Variants in GRIN3A observed in about 807,000 individuals in gnomAD.
GRIN3A encodes glutamate ionotropic receptor NMDA type subunit 3A.
Under a neutral mutation model 92.4 loss-of-function variants are expected in GRIN3A, and 47 were observed. The ratio of observed to expected loss-of-function variants is 0.51; its 90% CI spans 0.40 to 0.65. The LOEUF (loss-of-function observed/expected upper bound fraction) is 0.65. Ranked by LOEUF, GRIN3A falls within the 30% of genes least tolerant of loss-of-function variation. The pLI, the probability that GRIN3A is intolerant of heterozygous loss-of-function variation, is 0.00. For missense variants in GRIN3A, 1,324 were observed against 1,393.1 expected (o/e 0.95, Z 0.79); for synonymous variants, 527 against 540.6 (o/e 0.97, Z 0.35).
intron 3 of GRIN3A, among the ~76,000 whole-genome samples, chr9:101,634,380 T>G (rs962027132): frequency 6.7e-6 from 1 of 149,964 alleles, no homozygotes; most frequent in African/African-American, 2.4e-5. Context: ...AGGCATAGCT[T>G]CTGTAAATGA....
intron 6 of GRIN3A, among the ~76,000 whole-genome samples, chr9:101,599,856 C>T (rs1828188283): frequency 6.6e-6 from 1 of 152,138 alleles, no homozygotes; most frequent in Admixed American, 6.5e-5. Flanking sequence ...TGGTTGGAAG[C>T]TCTCACCTTT....
chr9:101,722,466 AC>A (rs1173010490), intron 1 of GRIN3A, among the ~76,000 whole-genome samples: 1 of 152,088 alleles, frequency 6.6e-6, no homozygotes, highest in Admixed American at 6.5e-5. Flanking sequence ...CGTCCTCCAG[AC>A]CCCAGAATGG....
At chr9:101,703,510 A>G (rs377489501) in intron 1 of GRIN3A, among the ~76,000 whole-genome samples, 14 of 152,348 alleles carry the variant, frequency 9.2e-5, no homozygotes, top group African/African-American at 1.9e-4. Context: ...AGCACAGTCA[A>G]TAGCTGAAAT....
At chr9:101,624,622 C>T (rs528041895) in intron 4 of GRIN3A, among the ~76,000 whole-genome samples, 1 of 152,172 alleles carries the variant, frequency 6.6e-6, no homozygotes, top group South Asian at 2.1e-4. Context: ...TCCAGTCTAT[C>T]GTTGTTGGAC....
At chr9:101,662,534 T>C (rs1414567528) in intron 3 of GRIN3A, among the ~76,000 whole-genome samples, 1 of 151,736 alleles carries the variant, frequency 6.6e-6, no homozygotes, top group Non-Finnish European at 1.5e-5. Flanking sequence ...TTATTACCAA[T>C]ATTAAGCATT....
At chr9:101,716,019 G>A (rs1395670575) in intron 1 of GRIN3A, among the ~76,000 whole-genome samples, 4 of 152,134 alleles carry the variant, frequency 2.6e-5, no homozygotes, top group African/African-American at 9.7e-5. Context: ...ATGTAGCCCA[G>A]ACTTTATCCA....
At chr9:101,639,452 T>G (rs1336865277) in intron 3 of GRIN3A, among the ~76,000 whole-genome samples, 2 of 152,178 alleles carry the variant, frequency 1.3e-5, no homozygotes, top group Non-Finnish European at 2.9e-5. Flanking sequence ...AAAAATGACC[T>G]GTGGACTGTG....
chr9:101,635,855 A>T (rs1828777447), intron 3 of GRIN3A, among the ~76,000 whole-genome samples: 1 of 152,194 alleles, frequency 6.6e-6, no homozygotes, highest in African/African-American at 2.4e-5. Context: ...GGTTATAAAA[A>T]TTGGCCAGTG....
In GRIN3A at chr9:101,686,890, C is replaced by A. The variant is rs564083866; in HGVS notation, c.1010G>T (p.Arg337Leu). Residue 337 changes from arginine (R) to leucine (L), a missense_variant, in exon 2 of 9, where the codon CGG becomes CTG. By Grantham distance (102) the Arg-to-Leu change is moderately radical (BLOSUM62 -2). Transcript: ENST00000361820. ...MFGCDMESIRRIFEITTQFGV... is the reference protein window; with the variant it reads ...MFGCDMESIRLIFEITTQFGV... ...AAACTGGGTTGTAATTTCGAAAATCCGCCGGATACTTTCCATGTCGCAGCC... is the reference window on the plus strand; with the variant it reads ...AAACTGGGTTGTAATTTCGAAAATCAGCCGGATACTTTCCATGTCGCAGCC... 6 of 1,614,178 alleles carry A rather than the reference C, an allele frequency of 3.7e-6. No homozygotes were observed. The East Asian group carries it at 8.9e-5, about 24-fold the overall frequency.
At chr9:101,585,799 C>T (rs541408563) in intron 6 of GRIN3A, among the ~76,000 whole-genome samples, 5 of 152,298 alleles carry the variant, frequency 3.3e-5, no homozygotes, top group Admixed American at 3.3e-4. Context: ...CTGTCTTCTT[C>T]ACAGCAGTGA....
intron 1 of GRIN3A, among the ~76,000 whole-genome samples, chr9:101,702,665 C>T (rs1829770718): frequency 6.6e-6 from 1 of 152,180 alleles, no homozygotes; most frequent in Admixed American, 6.5e-5. Context: ...TTCTTCAATA[C>T]AGAGATCTTA....
At chr9:101,578,803 G>A (rs1254651919) in intron 7 of GRIN3A, among the ~76,000 whole-genome samples, 2 of 152,142 alleles carry the variant, frequency 1.3e-5, no homozygotes, top group African/African-American at 4.8e-5. Context: ...AGAGAACAGG[G>A]GCAAGTGGGG....
At chr9:101,595,104 G>C (rs62575857) in intron 6 of GRIN3A, 50,294 of 630,696 alleles carry the variant, frequency 0.08, 2,500 homozygotes, top group Middle Eastern at 0.14. Context: ...AGAGGGAGCG[G>C]AGAGAGGAGG....
At chr9:101,622,533 G>A (rs1472210478) in intron 5 of GRIN3A, among the ~76,000 whole-genome samples, 1 of 152,168 alleles carries the variant, frequency 6.6e-6, no homozygotes, top group Non-Finnish European at 1.5e-5. Flanking sequence ...TTGATTGGGA[G>A]ATCACATTAG....
At chr9:101,698,389 C>A (rs867952018) in intron 1 of GRIN3A, among the ~76,000 whole-genome samples, 6 of 152,248 alleles carry the variant, frequency 3.9e-5, no homozygotes, top group Middle Eastern at 3.4e-3. Flanking sequence ...CACAGACTGA[C>A]AAAGAAAGCA....
chr9:101,617,750 A>AC (rs1828483512), intron 5 of GRIN3A, among the ~76,000 whole-genome samples: 1 of 119,238 alleles, frequency 8.4e-6, no homozygotes, highest in African/African-American at 4.8e-5. Context: ...TGCACCCACT[A>AC]CTCGTCATCT....
intron 1 of GRIN3A, among the ~76,000 whole-genome samples, chr9:101,720,839 A>C (rs1830003171): frequency 6.6e-6 from 1 of 152,150 alleles, no homozygotes; most frequent in African/African-American, 2.4e-5. Context: ...TAGACTCTGG[A>C]GCCTACTGGA....
chr9:101,587,099 C>T (rs1290245454), intron 6 of GRIN3A, among the ~76,000 whole-genome samples: 1 of 152,112 alleles, frequency 6.6e-6, no homozygotes, highest in Non-Finnish European at 1.5e-5. Flanking sequence ...CATCTGAGGT[C>T]AGGAGTTCGA....
rs570786119 is a variant in GRIN3A at position 101,598,875 on chromosome 9, C to G, written c.2766+14501G>C. Among the ~76,000 whole-genome samples, 11 of 152,302 alleles carry G rather than the reference C, an allele frequency of 7.2e-5. No homozygotes were observed. The South Asian group carries it at 8.3e-4, about 11-fold the overall frequency. ...CCTTCCATTGCAGACTTGAGAAATG[C>G]AGTAACCAACATCACTGGCCCATCA... On this transcript the variant is annotated intron_variant, in intron 6 of 8. Transcript: ENST00000361820.
Sources: gnomAD v4.1 joint callset for allele counts (sites outside exome capture counted in the v4.1 genomes callset) on GRCh38, gnomAD v4.1.1 for gene constraint, MANE v1.5 for transcripts, NCBI Gene and HGNC (gene_info 2026-07-23, HGNC 2026-07-21) for gene names.